The following ICOS variants were observed in gnomAD, a reference collection of about 807,000 sequenced individuals.
The protein encoded by ICOS is inducible T cell costimulator.
Under a neutral mutation model 24.6 loss-of-function variants are expected in ICOS, and 15 were observed. The ratio of observed to expected loss-of-function variants is 0.61; its 90% CI spans 0.41 to 0.94. ICOS has a LOEUF of 0.94. ICOS is among the 40% of genes least tolerant of loss of function. The probability of loss-of-function intolerance (pLI) is 0.00; values close to 1 mark genes in which losing one functional copy is unlikely to be tolerated. For missense variants in ICOS, 200 were observed against 233.0 expected (o/e 0.86, Z 0.92); for synonymous variants, 89 against 77.5 (o/e 1.15, Z -0.78).
At chr2:203,956,007 A>G in intron 2 of ICOS, 36 bp downstream of exon 2, 2 of 1,456,352 alleles carry the variant, frequency 1.4e-6, no homozygotes, top group Non-Finnish European at 1.9e-6. Context: ...ACTTAAGAGT[A>G]TATATATGTT....
Position 203,957,898 on chromosome 2 carries a change from G to C in ICOS, c.586+15G>C. 1.3e-6 allele frequency: 2 copies of C among 1,537,752 alleles called. No homozygotes were observed. The highest frequency in any genetic ancestry group is 1.8e-6 in the Non-Finnish European group (2 of 1,110,826). On this transcript the variant is annotated intron_variant, in intron 4 of 4. Transcript: ENST00000316386. Reference sequence around the variant, plus strand: ...TAGACTCACAGGTATGACTCCATTTGGGGGTTTGGGAAGGGAAGAGGTTTC... The same window carrying C: ...TAGACTCACAGGTATGACTCCATTTCGGGGTTTGGGAAGGGAAGAGGTTTC...
chr2:203,944,430 AGT>A (rs1470036732), intron 1 of ICOS, among the ~76,000 whole-genome samples: 2 of 152,122 alleles, frequency 1.3e-5, no homozygotes, highest in Admixed American at 1.3e-4. Context: ...CTCCGGTCAG[AGT>A]GTGTGTTTGG....
chr2:203,943,568 G>T (rs1689815681), intron 1 of ICOS, among the ~76,000 whole-genome samples: 1 of 152,170 alleles, frequency 6.6e-6, no homozygotes, highest in Non-Finnish European at 1.5e-5. Context: ...GGCGAAGGGT[G>T]CAATGGACTC....
chr2:203,959,662 G>A lies in ICOS; in HGVS notation c.*63G>A, dbSNP rs1690138670. 1 of 1,487,446 alleles carries A rather than the reference G, an allele frequency of 6.7e-7. No homozygotes were observed. Among genetic ancestry groups the A allele is most frequent in the South Asian group, 1.1e-5 (1 of 88,602 alleles). 92.1% of individuals were successfully genotyped at this position (1,487,446 alleles called of 1,614,324 possible). A position where few individuals can be genotyped will look rare whatever the true frequency, so the allele number is the denominator to read the frequency against. ...CAGTTTTCCTCAACTTGAAGTGCAA[G>A]ATTCTCTTATTTCCGGGACCACGGA... On this transcript the variant is annotated 3_prime_UTR_variant, in exon 5 of 5. Transcript: ENST00000316386.
chr2:203,936,951 G>T lies in ICOS; in HGVS notation c.58+79G>T. The T allele has an allele frequency of 2.8e-6, 3 of 1,068,694 alleles. No individual in the cohort carries two copies. The South Asian group carries it at 3.8e-5, about 14-fold the overall frequency. The allele number at this position is 1,068,694 out of a possible 1,614,324, so 66.2% of individuals were successfully genotyped here. On this transcript the variant is annotated intron_variant, in intron 1 of 4. Transcript: ENST00000316386. ...GAAAAAGCAAAGGTAGAAAAATTAC[G>T]CACCCAAAAGACAGTGGTTTTGGTT...
At chr2:203,952,331 T>C (rs1164283594) in intron 1 of ICOS, among the ~76,000 whole-genome samples, 2 of 152,350 alleles carry the variant, frequency 1.3e-5, no homozygotes, top group East Asian at 3.9e-4. Context: ...ACTATCTTTC[T>C]AGACAATGTG....
At chr2:203,947,556 C>T (rs564294967) in intron 1 of ICOS, among the ~76,000 whole-genome samples, 4 of 152,282 alleles carry the variant, frequency 2.6e-5, no homozygotes, top group African/African-American at 9.6e-5. Flanking sequence ...ATCCTCCTGC[C>T]TCGGCCTCCC....
chr2:203,959,104 G>GGATGGCAAC (rs1690125845), intron 4 of ICOS, among the ~76,000 whole-genome samples: 1 of 152,180 alleles, frequency 6.6e-6, no homozygotes, highest in Non-Finnish European at 1.5e-5. Context: ...TTCTCTTGAA[G>GGATGGCAAC]GATGGCAACC....
intron 1 of ICOS, among the ~76,000 whole-genome samples, chr2:203,941,704 G>C (rs546777138): frequency 6.6e-6 from 1 of 152,180 alleles, no homozygotes; most frequent in African/African-American, 2.4e-5. Context: ...AATAAACTAG[G>C]TCTGTCAAAT....
chr2:203,951,706 T>C (rs1559034910), intron 1 of ICOS, among the ~76,000 whole-genome samples: 1 of 152,216 alleles, frequency 6.6e-6, no homozygotes, highest in Admixed American at 6.5e-5. Flanking sequence ...TCCAAGATCA[T>C]TGTGGTTTAC....
At chr2:203,953,315 G>T (rs1393264327) in intron 1 of ICOS, among the ~76,000 whole-genome samples, 1 of 152,166 alleles carries the variant, frequency 6.6e-6, no homozygotes. Flanking sequence ...CGGGGTTCTG[G>T]TTCTCTCTTC....
At chr2:203,945,241 C>T (rs1487102606) in intron 1 of ICOS, among the ~76,000 whole-genome samples, 1 of 151,736 alleles carries the variant, frequency 6.6e-6, no homozygotes, top group African/African-American at 2.4e-5. Context: ...TAAGGGAAGA[C>T]ATGAAAAAGG....
chr2:203,940,311 G>T (rs1689741251), intron 1 of ICOS, among the ~76,000 whole-genome samples: 1 of 152,152 alleles, frequency 6.6e-6, no homozygotes, highest in Non-Finnish European at 1.5e-5. Flanking sequence ...ATCATTGCTA[G>T]GTTTCCTCTT....
intron 1 of ICOS, among the ~76,000 whole-genome samples, chr2:203,954,142 A>G (rs1402805820): frequency 6.6e-6 from 1 of 152,228 alleles, no homozygotes. Context: ...AAAAAGAAAG[A>G]GAAGGCAATG....
Position 203,961,351 on chromosome 2 carries a change from TG to T in ICOS, c.*1756del. The T allele has an allele frequency of 5.7e-6, 1 of 174,950 alleles. No individual in the cohort carries two copies. The highest frequency in any genetic ancestry group is 1.2e-5 in the Non-Finnish European group (1 of 82,356). The allele number at this position is 174,950 out of a possible 1,614,324, so 10.8% of individuals were successfully genotyped here. A position where few individuals can be genotyped will look rare whatever the true frequency, so the allele number is the denominator to read the frequency against. ...TGAGTTGTTTGCAGGTTTCTGTGTG[TG>T]GGGTGGGGTATGGGGAGGAGAACCT... On this transcript the variant is annotated 3_prime_UTR_variant, in exon 5 of 5. Transcript: ENST00000316386.
intron 1 of ICOS, among the ~76,000 whole-genome samples, chr2:203,949,919 G>T (rs1176421022): frequency 6.6e-6 from 1 of 152,178 alleles, no homozygotes; most frequent in East Asian, 1.9e-4. Flanking sequence ...ATGGAGAAAA[G>T]ATCCTAGATG....
chr2:203,943,181 A>G (rs1361452786), intron 1 of ICOS, among the ~76,000 whole-genome samples: 3 of 152,116 alleles, frequency 2.0e-5, no homozygotes, highest in Non-Finnish European at 2.9e-5. Context: ...CTTGGTTTGG[A>G]TCCATTGCTG....
In ICOS at chr2:203,937,778, GA is replaced by G. The variant is rs201958675; in HGVS notation, c.58+915del. Reference sequence around the variant, plus strand: ...AGACCTTACTGTTCTTACAAAAAATGAAAAAAAAATGAAATCAAATTGATCA... The same window carrying G: ...AGACCTTACTGTTCTTACAAAAAATGAAAAAAAATGAAATCAAATTGATCA... On this transcript the variant is annotated intron_variant, in intron 1 of 4. Coordinates refer to ENST00000316386, the MANE Select transcript of ICOS (RefSeq NM_012092.4). 2.3e-4 allele frequency among the ~76,000 whole-genome samples: 35 copies of G among 149,322 alleles called. No homozygotes were observed. The East Asian group carries it at 5.3e-3, about 23-fold the overall frequency.
At chr2:203,940,755 C>T (rs1689752666) in intron 1 of ICOS, among the ~76,000 whole-genome samples, 1 of 150,798 alleles carries the variant, frequency 6.6e-6, no homozygotes, top group Non-Finnish European at 1.5e-5. Flanking sequence ...ATGTGTAACT[C>T]TCTCCCTCTG....
Sources: allele counts gnomAD v4.1 joint callset (sites outside exome capture counted in the v4.1 genomes callset), GRCh38; gene constraint gnomAD v4.1.1; transcripts MANE v1.5; gene names NCBI Gene and HGNC (gene_info 2026-07-23, HGNC 2026-07-21).